Variants in NAA38 observed in about 807,000 individuals in gnomAD.
NAA38 encodes LSM domain containing 1.
NAA38 carries 15 observed loss-of-function variants against 12.6 expected under a neutral mutation model. The observed-to-expected ratio is 1.19, with a 90% CI of 0.79 to 1.83. The LOEUF is 1.83. Among genes scored for constraint, NAA38 ranks in the 40% most tolerant of loss-of-function variants. NAA38 has a pLI of 0.00. For missense variants in NAA38, 183 were observed against 171.7 expected, an observed-to-expected ratio of 1.07 and a Z score of -0.37; for synonymous variants, 88 against 69.9, an observed-to-expected ratio of 1.26 and a Z score of -1.29.
At chr17:7,879,644 CA>C (rs60567872) in intron 2 of NAA38, among the ~76,000 whole-genome samples, 44,978 of 151,480 alleles carry the variant, frequency 0.3, 7,839 homozygotes, top group East Asian at 0.83. Context: ...CTCATTAAAA[CA>C]AAAAAAATAT....
chr17:7,857,994 G>A (rs910588059), upstream of NAA38: 51 of 1,505,072 alleles, frequency 3.4e-5, 1 homozygote, highest in African/African-American at 5.0e-4. Context: ...ACGGTGGCCG[G>A]AAAAGGACAA....
chr17:7,859,023 A>T (rs2078861168), upstream of NAA38: 1 of 572,090 alleles, frequency 1.7e-6, no homozygotes, highest in Admixed American at 3.4e-5. Flanking sequence ...CAGGGGGACA[A>T]GAGACTCCTT....
chr17:7,873,859 G>A (rs929552550), intron 2 of NAA38, among the ~76,000 whole-genome samples: 2 of 152,132 alleles, frequency 1.3e-5, no homozygotes, highest in South Asian at 2.1e-4. Context: ...ATGAACATAG[G>A]TATCCTTTTC....
At chr17:7,881,038 A>C (rs942076963) in intron 2 of NAA38, among the ~76,000 whole-genome samples, 3 of 152,162 alleles carry the variant, frequency 2.0e-5, no homozygotes, top group Non-Finnish European at 4.4e-5. Context: ...CTGGAAGAAA[A>C]GTAGGGAGGA....
intron 2 of NAA38, among the ~76,000 whole-genome samples, chr17:7,869,527 C>T (rs982244705): frequency 6.6e-6 from 1 of 152,070 alleles, no homozygotes; most frequent in African/African-American, 2.4e-5. Flanking sequence ...TTTCGGAGGC[C>T]GAGGCGGGTG....
chr17:7,870,385 TACTC>T (rs1967065077), intron 2 of NAA38, among the ~76,000 whole-genome samples: 1 of 152,206 alleles, frequency 6.6e-6, no homozygotes, highest in Admixed American at 6.5e-5. Flanking sequence ...TGATATTCCT[TACTC>T]AGTGAGAGCA....
chr17:7,857,524 C>A lies in NAA38; in HGVS notation c.-61G>T. The A allele has an allele frequency of 6.8e-7, 1 of 1,468,688 alleles. No homozygotes were observed. Among genetic ancestry groups the A allele is most frequent in the South Asian group, 1.5e-5 (1 of 65,790 alleles). 91.0% of individuals were successfully genotyped at this position (1,468,688 alleles called of 1,614,324 possible). On this transcript the variant is annotated 5_prime_UTR_variant, in exon 1 of 3. Transcript: ENST00000575771. ...TAAGCACCTTTCAGGTTGGGTGGTC[C>A]GAGATCTCGCGAGCGCTCCCGACCT...
intron 2 of NAA38, among the ~76,000 whole-genome samples, chr17:7,873,720 G>C (rs1472581358): frequency 6.6e-6 from 1 of 152,074 alleles, no homozygotes; most frequent in Non-Finnish European, 1.5e-5. Context: ...CAGGACAGGA[G>C]GACAGGATAA....
Position 7,856,862 on chromosome 17 carries a change from G to C in NAA38, c.266-19C>G. ...AAGGAATCTGGAAAGAAGGATCAGA[G>C]CATCAGGAAAGTAGGCCAGAATCAG... On this transcript the variant is annotated intron_variant, in intron 2 of 2. Transcript: ENST00000575771. 6.2e-7 allele frequency: 1 copy of C among 1,612,176 alleles called. No homozygotes were observed. The highest frequency in any genetic ancestry group is 8.5e-7 in the Non-Finnish European group (1 of 1,179,188).
chr17:7,869,221 C>G (rs532648670), intron 2 of NAA38, among the ~76,000 whole-genome samples: 9 of 152,186 alleles, frequency 5.9e-5, no homozygotes, highest in Non-Finnish European at 8.8e-5. Context: ...CATTAATACA[C>G]CATTTTACAG....
chr17:7,879,127 G>A (rs537919142), intron 2 of NAA38, among the ~76,000 whole-genome samples: 2 of 152,186 alleles, frequency 1.3e-5, no homozygotes, highest in South Asian at 2.1e-4. Context: ...AGCCATTTGA[G>A]AACCACTGAT....
At chr17:7,884,847 A>T in intron 1 of NAA38, 1 of 1,049,106 alleles carries the variant, frequency 9.5e-7, no homozygotes, top group South Asian at 1.7e-5. Context: ...GAGGAGGAGG[A>T]GATGGTGGTG....
chr17:7,858,518 A>C, upstream of NAA38: 1 of 1,614,048 alleles, frequency 6.2e-7, no homozygotes, highest in Non-Finnish European at 8.5e-7. Context: ...GGTAGAGGAA[A>C]TGGAGAGCGG....
In NAA38 at chr17:7,857,147, G is replaced by C. The variant is rs746450587; in HGVS notation, c.133C>G (p.Leu45Val). 6.2e-7 allele frequency: 1 copy of C among 1,613,100 alleles called. No individual in the cohort carries two copies. Among genetic ancestry groups the C allele is most frequent in the Non-Finnish European group, 8.5e-7 (1 of 1,180,036 alleles). The stretch of plus-strand genomic sequence containing the variant: ...ATAGTCTTGTTGAGCAGCGCCTCTA[G>C]CTGCTGTCGGGCGCGCTCAGCCGCC... ...DSAAERARQQLEALLNKTMRI... is the reference protein window; with the variant it reads ...DSAAERARQQVEALLNKTMRI... The change falls in exon 2 of 3, where the codon CTA becomes GTA. Residue 45 changes from leucine (L) to valine (V), a missense_variant. By Grantham distance (32) the Leu-to-Val change is conservative. Coordinates refer to ENST00000575771, the MANE Select transcript of NAA38 (RefSeq NM_001320925.4).
At chr17:7,870,589 T>G (rs1394703808) in intron 2 of NAA38, among the ~76,000 whole-genome samples, 1 of 152,036 alleles carries the variant, frequency 6.6e-6, no homozygotes, top group Non-Finnish European at 1.5e-5. Context: ...ATTTTAAAAT[T>G]TATTTATTTT....
intron 1 of NAA38, among the ~76,000 whole-genome samples, chr17:7,884,384 C>T (rs2151398456): frequency 6.7e-6 from 1 of 148,576 alleles, no homozygotes; most frequent in Non-Finnish European, 1.5e-5. Context: ...TCTGAGCGCC[C>T]CCCTCAGAAT....
At chr17:7,862,314 G>T (rs950255698), upstream of NAA38, 2 of 152,052 alleles carry the variant, frequency 1.3e-5, no homozygotes, top group Non-Finnish European at 2.9e-5. Context: ...TATACCTAGT[G>T]GGGGGGATGT....
rs1597892147 is a variant in NAA38 at position 7,885,030 on chromosome 17, C to CGCCGCCGCCGCCGCCGCCACCGCT, written c.-167+111_-167+134dup. Reference sequence around the variant, plus strand: ...CCCCCCGGCTGCCACCTCTTCCCGCCGCCGCCGCCGCCGCCGCCACCGCTG... The same window carrying CGCCGCCGCCGCCGCCGCCACCGCT: ...CCCCCCGGCTGCCACCTCTTCCCGCCGCCGCCGCCGCCGCCGCCACCGCTGCCGCCGCCGCCGCCGCCACCGCTG... On this transcript the variant is annotated intron_variant, in intron 1 of 4. Coordinates refer to the NAA38 transcript ENST00000576861. 9.0e-6 allele frequency: 10 copies of CGCCGCCGCCGCCGCCGCCACCGCT among 1,114,828 alleles called. No individual in the cohort carries two copies. In the East Asian group the frequency reaches 4.7e-4, roughly 53 times the overall value. 69.1% of individuals were successfully genotyped at this position (1,114,828 alleles called of 1,614,324 possible).
At chr17:7,883,163 C>G (rs936156367) in intron 2 of NAA38, 1 of 152,060 alleles carries the variant, frequency 6.6e-6, no homozygotes, top group African/African-American at 2.4e-5. Context: ...ACCACTTTAC[C>G]ATAAACACTG....
Sources: allele counts gnomAD v4.1 joint callset (sites outside exome capture counted in the v4.1 genomes callset), GRCh38; gene constraint gnomAD v4.1.1; transcripts MANE v1.5; gene names NCBI Gene and HGNC (gene_info 2026-07-23, HGNC 2026-07-21).